Variants in FLI1 observed in about 807,000 individuals in gnomAD.
FLI1 encodes Friend leukemia integration 1 transcription factor.
FLI1 carries 13 observed loss-of-function variants against 53.1 expected under a neutral mutation model. The ratio of observed to expected loss-of-function variants is 0.24; its 90% CI spans 0.16 to 0.39. The LOEUF (loss-of-function observed/expected upper bound fraction) is 0.39, where lower values mean the gene tolerates loss of function less well. Ranked by LOEUF, FLI1 falls within the 10% of genes least tolerant of loss-of-function variation. The probability of loss-of-function intolerance (pLI) is 1.00; values close to 1 mark genes in which losing one functional copy is unlikely to be tolerated. For synonymous variants in FLI1, 244 were observed against 236.7 expected, an observed-to-expected ratio of 1.03 and a Z score of -0.28; for missense variants, 424 against 600.5, an observed-to-expected ratio of 0.71 and a Z score of 3.07.
intron 1 of FLI1, among the ~76,000 whole-genome samples, chr11:128,713,052 A>G (rs149304781): frequency 4.7e-4 from 71 of 152,284 alleles, no homozygotes; most frequent in African/African-American, 1.7e-3. Context: ...ATCATTGCGA[A>G]GGTCAATCCT....
intron 1 of FLI1, among the ~76,000 whole-genome samples, chr11:128,753,644 TAAGTA>T (rs1437990889): frequency 1.3e-5 from 2 of 152,244 alleles, no homozygotes; most frequent in Admixed American, 1.3e-4. Context: ...TTTAAGAGTT[TAAGTA>T]AAGAGCTTTA....
At chr11:128,699,999 G>A (rs917347759) in intron 1 of FLI1, among the ~76,000 whole-genome samples, 1 of 152,224 alleles carries the variant, frequency 6.6e-6, no homozygotes, top group Admixed American at 6.5e-5. Flanking sequence ...AAAGGGCTCT[G>A]CCAGGAGATC....
chr11:128,775,517 G>T (rs554456181), intron 4 of FLI1, among the ~76,000 whole-genome samples: 10 of 152,222 alleles, frequency 6.6e-5, no homozygotes, highest in Admixed American at 1.3e-4. Flanking sequence ...CCTCTAGTGT[G>T]AGGTGGTGGC....
intron 1 of FLI1, among the ~76,000 whole-genome samples, chr11:128,736,567 T>C (rs1189018734): frequency 6.6e-6 from 1 of 152,186 alleles, no homozygotes; most frequent in African/African-American, 2.4e-5. Flanking sequence ...ACATGCCAGG[T>C]ACAGATGACA....
At chr11:128,787,845 C>T (rs111294691) in intron 5 of FLI1, among the ~76,000 whole-genome samples, 1,879 of 134,454 alleles carry the variant, frequency 0.014, 21 homozygotes, top group Non-Finnish European at 0.019. Context: ...CTCGCTCTGT[C>T]GCTCAGGCTG....
At chr11:128,798,943 G>T (rs1942531654) in intron 5 of FLI1, among the ~76,000 whole-genome samples, 1 of 151,804 alleles carries the variant, frequency 6.6e-6, no homozygotes, top group African/African-American at 2.4e-5. Flanking sequence ...CTGTCTTCTG[G>T]GGTGGGGTTT....
At chr11:128,709,093 A>G (rs769632908) in intron 1 of FLI1, among the ~76,000 whole-genome samples, 6 of 152,174 alleles carry the variant, frequency 3.9e-5, no homozygotes, top group Admixed American at 6.5e-5. Flanking sequence ...CTAGGTTCAG[A>G]CCCACTTATT....
At chr11:128,771,300 T>C (rs1305215702) in intron 3 of FLI1, among the ~76,000 whole-genome samples, 1 of 152,170 alleles carries the variant, frequency 6.6e-6, no homozygotes, top group Non-Finnish European at 1.5e-5. Flanking sequence ...CTTTGCCAGC[T>C]CCTCCACCTT....
At chr11:128,779,408 A>G (rs1231522636) in intron 4 of FLI1, among the ~76,000 whole-genome samples, 1 of 152,154 alleles carries the variant, frequency 6.6e-6, no homozygotes, top group African/African-American at 2.4e-5. Flanking sequence ...ACTTCCTTCC[A>G]GTCGTGCCGG....
At chr11:128,805,863 G>T (rs1044854440) in intron 6 of FLI1, 2 of 154,672 alleles carry the variant, frequency 1.3e-5, no homozygotes, top group African/African-American at 2.4e-5. Context: ...TCACCACTTG[G>T]TGGAGAAATT....
At chr11:128,729,932 G>C (rs1042270873) in intron 1 of FLI1, among the ~76,000 whole-genome samples, 5 of 152,236 alleles carry the variant, frequency 3.3e-5, no homozygotes, top group African/African-American at 1.2e-4. Context: ...TAGGCACCAT[G>C]TTGATTAAGT....
chr11:128,809,044 T>C (rs987216932), intron 7 of FLI1, 113 bp from the exon 8 acceptor site: 9 of 764,512 alleles, frequency 1.2e-5, no homozygotes, highest in Non-Finnish European at 1.9e-5. Context: ...CTGAAATCAG[T>C]CTTTCCTGTG....
chr11:128,773,837 TAGGATCAC>T (rs1941649470), intron 4 of FLI1, among the ~76,000 whole-genome samples: 1 of 151,770 alleles, frequency 6.6e-6, no homozygotes, highest in African/African-American at 2.4e-5. Flanking sequence ...AAGATGGTGC[TAGGATCAC>T]AGGAACACAG....
intron 1 of FLI1, among the ~76,000 whole-genome samples, chr11:128,688,426 G>A (rs1937619702): frequency 6.6e-6 from 1 of 152,244 alleles, no homozygotes; most frequent in African/African-American, 2.4e-5. Context: ...GGTCTGCGTG[G>A]CAGGGACAAT....
intron 1 of FLI1, among the ~76,000 whole-genome samples, chr11:128,729,010 G>A (rs559451929): frequency 1.1e-4 from 16 of 152,294 alleles, no homozygotes; most frequent in Admixed American, 3.9e-4. Context: ...ACAGCTACCC[G>A]TGTCTGCCTC....
At chr11:128,712,723 C>A (rs1206123089) in intron 1 of FLI1, among the ~76,000 whole-genome samples, 2 of 152,176 alleles carry the variant, frequency 1.3e-5, no homozygotes, top group African/African-American at 2.4e-5. Context: ...AGAATTCAAT[C>A]ATCTCCCACC....
intron 1 of FLI1, among the ~76,000 whole-genome samples, chr11:128,716,293 A>C (rs963365405): frequency 6.6e-6 from 1 of 152,138 alleles, no homozygotes; most frequent in Non-Finnish European, 1.5e-5. Flanking sequence ...GTTTCCCTTT[A>C]TGGAGTGCAA....
At chr11:128,759,604 G>T (rs894564589) in intron 2 of FLI1, among the ~76,000 whole-genome samples, 2 of 152,230 alleles carry the variant, frequency 1.3e-5, no homozygotes, top group African/African-American at 4.8e-5. Context: ...AATGAAGGGG[G>T]TGCATGACAG....
chr11:128,811,004 T>A lies in FLI1; in HGVS notation c.*16T>A. The A allele has an allele frequency of 5.6e-6, 9 of 1,613,636 alleles. No individual in the cohort carries two copies. Among genetic ancestry groups the A allele is most frequent in the Non-Finnish European group, 7.6e-6 (9 of 1,179,548 alleles). On this transcript the variant is annotated 3_prime_UTR_variant, in exon 9 of 9. Transcript: ENST00000527786. Reference sequence around the variant, plus strand: ...CTACTACTAGAAGCTTACTCATCAGTGGCCTTCTAGCTGAAGCCCATCCTG... The same window carrying A: ...CTACTACTAGAAGCTTACTCATCAGAGGCCTTCTAGCTGAAGCCCATCCTG...
Sources: allele counts gnomAD v4.1 joint callset (sites outside exome capture counted in the v4.1 genomes callset), GRCh38; gene constraint gnomAD v4.1.1; transcripts MANE v1.5; gene names NCBI Gene and HGNC (gene_info 2026-07-23, HGNC 2026-07-21).